The following GUCY1A2 variants were observed in gnomAD, a reference collection of about 807,000 sequenced individuals.
The protein encoded by GUCY1A2 is guanylate cyclase soluble subunit alpha-2.
GUCY1A2 carries 27 observed loss-of-function variants against 63.5 expected under a neutral mutation model. The observed-to-expected ratio is 0.43, with a 90% CI of 0.31 to 0.59. GUCY1A2 has a LOEUF of 0.59. Ranked by LOEUF, GUCY1A2 falls within the 20% of genes least tolerant of loss-of-function variation. The probability of loss-of-function intolerance (pLI) is 0.11; values close to 1 mark genes in which losing one functional copy is unlikely to be tolerated. For synonymous variants in GUCY1A2, 364 were observed against 343.5 expected, an observed-to-expected ratio of 1.06 and a Z score of -0.66; for missense variants, 768 against 913.3, an observed-to-expected ratio of 0.84 and a Z score of 2.05.
At chr11:106,774,190 G>T (rs776348656) in intron 6 of GUCY1A2, among the ~76,000 whole-genome samples, 11 of 151,738 alleles carry the variant, frequency 7.2e-5, no homozygotes, top group Non-Finnish European at 1.3e-4. Flanking sequence ...CTGGAGTGCA[G>T]TGGCGCATCT....
intron 6 of GUCY1A2, among the ~76,000 whole-genome samples, chr11:106,709,791 A>G (rs979552618): frequency 3.5e-5 from 4 of 113,592 alleles, no homozygotes; most frequent in African/African-American, 1.2e-4. Context: ...ATAGTTATAT[A>G]TTATATACAC....
At chr11:106,867,052 T>C (rs556426700) in intron 4 of GUCY1A2, among the ~76,000 whole-genome samples, 1 of 151,984 alleles carries the variant, frequency 6.6e-6, no homozygotes, top group Non-Finnish European at 1.5e-5. Flanking sequence ...TAATACCAAG[T>C]TTCCCCCAAA....
At chr11:106,757,114 T>A (rs925639534) in intron 6 of GUCY1A2, among the ~76,000 whole-genome samples, 3 of 152,230 alleles carry the variant, frequency 2.0e-5, no homozygotes, top group Non-Finnish European at 4.4e-5. Context: ...CAATCACTGA[T>A]ATCCTTTCTT....
At chr11:106,965,438 T>G (rs1289089766) in intron 3 of GUCY1A2, among the ~76,000 whole-genome samples, 1 of 152,208 alleles carries the variant, frequency 6.6e-6, no homozygotes, top group African/African-American at 2.4e-5. Flanking sequence ...TATGTACTTA[T>G]GTATATAGGC....
chr11:106,766,792 C>A (rs1864171960), intron 6 of GUCY1A2, among the ~76,000 whole-genome samples: 1 of 151,904 alleles, frequency 6.6e-6, no homozygotes, highest in African/African-American at 2.4e-5. Context: ...TGCATATAGG[C>A]TTAAAAGAGA....
chr11:106,814,636 C>T (rs1858807077), intron 4 of GUCY1A2, among the ~76,000 whole-genome samples: 1 of 152,000 alleles, frequency 6.6e-6, no homozygotes, highest in South Asian at 2.1e-4. Context: ...GAGAAGCTTG[C>T]TCTGCACCCT....
chr11:106,716,436 A>G (rs527307752), intron 6 of GUCY1A2, among the ~76,000 whole-genome samples: 3 of 152,224 alleles, frequency 2.0e-5, no homozygotes, highest in African/African-American at 4.8e-5. Flanking sequence ...TTTATATCCA[A>G]TCCTGGCTCT....
At chr11:107,002,764 T>C (rs1183932281) in intron 1 of GUCY1A2, among the ~76,000 whole-genome samples, 3 of 152,164 alleles carry the variant, frequency 2.0e-5, no homozygotes, top group Non-Finnish European at 4.4e-5. Flanking sequence ...TCTAGAGAAC[T>C]GCAAATTGCA....
At chr11:106,860,504 G>A (rs924477661) in intron 4 of GUCY1A2, among the ~76,000 whole-genome samples, 1 of 151,846 alleles carries the variant, frequency 6.6e-6, no homozygotes, top group African/African-American at 2.4e-5. Context: ...GCTGTCATTA[G>A]GGGCAACTCT....
rs529836796 is a variant in GUCY1A2 at position 106,748,248 on chromosome 11, CTA to C, written c.1836+28189_1836+28190del. Among the ~76,000 whole-genome samples, 161 of 151,660 alleles carry C rather than the reference CTA, an allele frequency of 1.1e-3. 1 individual carries two copies. Among genetic ancestry groups the C allele is most frequent in the African/African-American group, 3.8e-3 (155 of 41,192 alleles). Reference sequence around the variant, plus strand: ...TCTTAGGAGACTGAAAGCTCTTTCTCTATGAAAAGAGAAAAGAAGCTTAAAAG... The same window carrying C: ...TCTTAGGAGACTGAAAGCTCTTTCTCTGAAAAGAGAAAAGAAGCTTAAAAG... On this transcript the variant is annotated intron_variant, in intron 6 of 7. Coordinates refer to ENST00000526355, the MANE Select transcript of GUCY1A2 (RefSeq NM_000855.3).
intron 4 of GUCY1A2, among the ~76,000 whole-genome samples, chr11:106,922,662 C>CATATATAT (rs6144495): frequency 4.8e-5 from 6 of 124,788 alleles, no homozygotes; most frequent in South Asian, 2.9e-4. Context: ...TTGTTAACTA[C>CATATATAT]ATATATATAT....
intron 4 of GUCY1A2, among the ~76,000 whole-genome samples, chr11:106,825,187 C>A (rs1319636962): frequency 1.3e-5 from 2 of 151,900 alleles, no homozygotes; most frequent in Non-Finnish European, 2.9e-5. Context: ...TTATGTAAAA[C>A]CCTTTAATTG....
intron 4 of GUCY1A2, chr11:106,824,965 G>A: frequency 6.2e-7 from 1 of 1,612,744 alleles, no homozygotes. Flanking sequence ...TGACATGAAT[G>A]TTACTAAATT....
At chr11:106,953,923 T>C (rs1175197064) in intron 3 of GUCY1A2, among the ~76,000 whole-genome samples, 1 of 152,098 alleles carries the variant, frequency 6.6e-6, no homozygotes, top group Non-Finnish European at 1.5e-5. Context: ...CTTATTAGTC[T>C]AGCTATTGGT....
chr11:106,697,574 C>T (rs1236041380), intron 7 of GUCY1A2, among the ~76,000 whole-genome samples: 1 of 151,924 alleles, frequency 6.6e-6, no homozygotes, highest in Admixed American at 6.6e-5. Context: ...GTACCATATA[C>T]GAACAAACAA....
At position 106,674,260 on chromosome 11, in the gene GUCY1A2, CTATT is replaced by C. The variant is rs1334789372; in HGVS notation, c.*13285_*13288del. 2.7e-5 allele frequency: 5 copies of C among 183,828 alleles called. No individual in the cohort carries two copies. Among genetic ancestry groups the C allele is most frequent in the Non-Finnish European group, 5.8e-5 (5 of 86,630 alleles). The allele number at this position is 183,828 out of a possible 1,614,324, so 11.4% of individuals were successfully genotyped here. On this transcript the variant is annotated 3_prime_UTR_variant, in exon 8 of 8. Transcript: ENST00000526355. ...AAGACATTTTACATCATGAAACATGCTATTTACATTGTGAATGATTTCGAATAAT... is the reference window on the plus strand; with the variant it reads ...AAGACATTTTACATCATGAAACATGCTACATTGTGAATGATTTCGAATAAT...
chr11:106,906,145 A>C (rs1187058651), intron 4 of GUCY1A2, among the ~76,000 whole-genome samples: 1 of 152,200 alleles, frequency 6.6e-6, no homozygotes, highest in Non-Finnish European at 1.5e-5. Flanking sequence ...CTGTCATCAG[A>C]GTAAACAGGA....
At chr11:106,857,356 C>T (rs183691312) in intron 4 of GUCY1A2, among the ~76,000 whole-genome samples, 72 of 152,236 alleles carry the variant, frequency 4.7e-4, no homozygotes, top group Middle Eastern at 3.4e-3. Context: ...GAGGGCTCCA[C>T]CCTCATGACC....
At chr11:106,710,085 A>G (rs1679454910) in intron 6 of GUCY1A2, among the ~76,000 whole-genome samples, 2 of 117,594 alleles carry the variant, frequency 1.7e-5, no homozygotes, top group African/African-American at 6.8e-5. Context: ...ATAGTTATAT[A>G]TAATATATAG....
Sources: gnomAD v4.1 joint callset for allele counts (sites outside exome capture counted in the v4.1 genomes callset) on GRCh38, gnomAD v4.1.1 for gene constraint, MANE v1.5 for transcripts, NCBI Gene and HGNC (gene_info 2026-07-23, HGNC 2026-07-21) for gene names.